Variants in PTPRR observed in about 807,000 individuals in gnomAD.
PTPRR encodes the protein protein tyrosine phosphatase receptor type R, also known as receptor-type tyrosine-protein phosphatase R.
Under a neutral mutation model 77.2 loss-of-function variants are expected in PTPRR, and 38 were observed. That is an observed-to-expected ratio of 0.49 (90% CI 0.38 to 0.65). The LOEUF (loss-of-function observed/expected upper bound fraction) is 0.65, where lower values mean the gene tolerates loss of function less well. Among genes scored for constraint, PTPRR ranks in the 30% least tolerant of loss-of-function variants. The pLI, the probability that PTPRR is intolerant of heterozygous loss-of-function variation, is 0.00. For synonymous variants in PTPRR, 299 were observed against 283.1 expected (o/e 1.06, Z -0.57); for missense variants, 744 against 799.2 (o/e 0.93, Z 0.83).
intron 1 of PTPRR, among the ~76,000 whole-genome samples, chr12:70,899,531 G>A (rs1172951278): frequency 6.6e-6 from 1 of 151,316 alleles, no homozygotes; most frequent in Non-Finnish European, 1.5e-5. Flanking sequence ...TTCATAGTAA[G>A]AAAAAATTAA....
intron 13 of PTPRR, among the ~76,000 whole-genome samples, chr12:70,653,685 TATC>T: frequency 6.6e-6 from 1 of 152,338 alleles, no homozygotes; most frequent in Non-Finnish European, 1.5e-5. Flanking sequence ...ACATAGGTCA[TATC>T]ATCTTTTCAT....
chr12:70,835,606 C>T (rs1196576085), intron 2 of PTPRR, among the ~76,000 whole-genome samples: 2 of 152,014 alleles, frequency 1.3e-5, no homozygotes, highest in African/African-American at 2.4e-5. Context: ...AAGTATTGAG[C>T]ACATGGTAAA....
chr12:70,751,140 C>T (rs537669842), intron 5 of PTPRR, among the ~76,000 whole-genome samples: 26 of 152,214 alleles, frequency 1.7e-4, no homozygotes, highest in Middle Eastern at 3.4e-3. Flanking sequence ...CATCTGAACA[C>T]GCTCATCCTC....
intron 2 of PTPRR, among the ~76,000 whole-genome samples, chr12:70,769,494 C>T (rs1890915139): frequency 6.6e-6 from 1 of 152,172 alleles, no homozygotes; most frequent in Non-Finnish European, 1.5e-5. Context: ...CAAACCACTG[C>T]TCAATGAAAT....
intron 6 of PTPRR, among the ~76,000 whole-genome samples, chr12:70,701,780 C>T (rs1183327026): frequency 1.3e-5 from 2 of 151,988 alleles, no homozygotes; most frequent in Non-Finnish European, 2.9e-5. Flanking sequence ...CAAGACCAAC[C>T]TGGGCAACAT....
intron 5 of PTPRR, among the ~76,000 whole-genome samples, chr12:70,752,810 T>C (rs1159691381): frequency 6.6e-6 from 1 of 152,168 alleles, no homozygotes; most frequent in Non-Finnish European, 1.5e-5. Flanking sequence ...ATTTCCCATA[T>C]AAAGGAAGAA....
At chr12:70,846,041 A>G (rs1892478431) in intron 2 of PTPRR, among the ~76,000 whole-genome samples, 1 of 152,238 alleles carries the variant, frequency 6.6e-6, no homozygotes, top group South Asian at 2.1e-4. Context: ...AAATAAATGG[A>G]TAGTTAAATA....
In PTPRR at chr12:70,808,136, G is replaced by T. The variant is rs536680574; in HGVS notation, c.358-43358C>A. 2.0e-5 allele frequency among the ~76,000 whole-genome samples: 3 copies of T among 152,196 alleles called. No homozygotes were observed. The East Asian group carries it at 5.8e-4, about 29-fold the overall frequency. Reference sequence around the variant, plus strand: ...GAGTGTCTGCTTTTATGCAGATGTAGATAGGGATGAAACACACCCTACTCT... The same window carrying T: ...GAGTGTCTGCTTTTATGCAGATGTATATAGGGATGAAACACACCCTACTCT... On this transcript the variant is annotated intron_variant, in intron 2 of 13. Coordinates refer to ENST00000283228, the MANE Select transcript of PTPRR (RefSeq NM_002849.4).
chr12:70,837,647 G>T (rs2137056553), intron 2 of PTPRR, among the ~76,000 whole-genome samples: 1 of 152,180 alleles, frequency 6.6e-6, no homozygotes, highest in Admixed American at 6.6e-5. Flanking sequence ...TGCCCTCTCT[G>T]GGTATGCCAC....
intron 6 of PTPRR, among the ~76,000 whole-genome samples, chr12:70,705,402 C>T (rs1056980136): frequency 1.1e-4 from 16 of 151,998 alleles, no homozygotes; most frequent in African/African-American, 1.7e-4. Context: ...ATCATGTCTA[C>T]GGGCTCTAAT....
chr12:70,746,709 C>T (rs764670719), intron 5 of PTPRR, among the ~76,000 whole-genome samples: 4 of 151,854 alleles, frequency 2.6e-5, no homozygotes, highest in South Asian at 2.1e-4. Context: ...TATTTTATTT[C>T]GATACAGGAT....
intron 2 of PTPRR, among the ~76,000 whole-genome samples, chr12:70,856,721 T>C (rs1255588522): frequency 4.1e-5 from 6 of 147,764 alleles, no homozygotes; most frequent in African/African-American, 1.3e-4. Flanking sequence ...GCAGTTATGA[T>C]GGCGAAGAGT....
At chr12:70,695,353 C>T (rs1435723233) in intron 8 of PTPRR, among the ~76,000 whole-genome samples, 2 of 152,042 alleles carry the variant, frequency 1.3e-5, no homozygotes, top group Non-Finnish European at 2.9e-5. Context: ...GTATTCATTC[C>T]AGGCTTTTTG....
chr12:70,853,284 A>G (rs946846685), intron 2 of PTPRR, among the ~76,000 whole-genome samples: 2 of 152,222 alleles, frequency 1.3e-5, no homozygotes, highest in African/African-American at 4.8e-5. Context: ...ATAATTAAAT[A>G]ATCTGTTCAT....
intron 6 of PTPRR, among the ~76,000 whole-genome samples, chr12:70,714,119 G>A (rs1301048771): frequency 6.6e-6 from 1 of 151,998 alleles, no homozygotes; most frequent in African/African-American, 2.4e-5. Flanking sequence ...CTTCATGACT[G>A]TGTCTGCCTA....
intron 5 of PTPRR, among the ~76,000 whole-genome samples, chr12:70,753,375 A>T (rs557520241): frequency 6.6e-6 from 1 of 152,210 alleles, no homozygotes; most frequent in Non-Finnish European, 1.5e-5. Flanking sequence ...ATTTATTTAA[A>T]TGTACAAAAT....
chr12:70,895,099 G>C (rs775988127), intron 1 of PTPRR, among the ~76,000 whole-genome samples: 7 of 151,606 alleles, frequency 4.6e-5, no homozygotes, highest in Non-Finnish European at 1.0e-4. Flanking sequence ...AGGGATACGG[G>C]TGAAACAGAG....
At position 70,673,068 on chromosome 12, in the gene PTPRR, T is replaced by C. The variant is rs150299653; in HGVS notation, c.1498-10463A>G. On this transcript the variant is annotated intron_variant, in intron 10 of 13. Coordinates refer to ENST00000283228, the MANE Select transcript of PTPRR (RefSeq NM_002849.4). ...AAAAAAAGAAAGAAAGAAAGAAATA[T>C]ATATTTGACTTATACAGCAGTTCTG... is the stretch of plus-strand genomic sequence containing the variant. The C allele has an allele frequency of 1.7e-4, 195 of 1,137,252 alleles. 1 individual carries two copies. The African/African-American group carries it at 2.7e-3, about 16-fold the overall frequency. The allele number at this position is 1,137,252 out of a possible 1,614,324, so 70.4% of individuals were successfully genotyped here. A position where few individuals can be genotyped will look rare whatever the true frequency, so the allele number is the denominator to read the frequency against.
chr12:70,661,142 C>G (rs754204362), intron 11 of PTPRR, 45 bp from the exon 12 acceptor site: 2 of 1,573,296 alleles, frequency 1.3e-6, no homozygotes, highest in South Asian at 2.3e-5. Context: ...ACTTGTAGAA[C>G]TAAAAGTCAT....
Sources: gnomAD v4.1 joint callset for allele counts (sites outside exome capture counted in the v4.1 genomes callset) on GRCh38, gnomAD v4.1.1 for gene constraint, MANE v1.5 for transcripts, NCBI Gene and HGNC (gene_info 2026-07-23, HGNC 2026-07-21) for gene names.